MYO5A: variants seen among roughly 807,000 people sequenced by gnomAD.
MYO5A encodes the protein unconventional myosin-Va.
MYO5A carries 98 observed loss-of-function variants against 249.7 expected under a neutral mutation model. The ratio of observed to expected loss-of-function variants is 0.39; its 90% CI spans 0.33 to 0.46. The LOEUF is 0.46. MYO5A is among the 20% of genes least tolerant of loss of function. MYO5A has a pLI of 0.98. For synonymous variants in MYO5A, 778 were observed against 810.6 expected (o/e 0.96, Z 0.68); for missense variants, 1,696 against 2,308.8 (o/e 0.73, Z 5.44).
chr15:52,480,997 G>C (rs1331543093), intron 1 of MYO5A, among the ~76,000 whole-genome samples: 1 of 152,190 alleles, frequency 6.6e-6, no homozygotes, highest in Non-Finnish European at 1.5e-5. Context: ...ACCCATCTAA[G>C]ATACCAGATT....
chr15:52,382,313 C>T (rs572646868), intron 16 of MYO5A, among the ~76,000 whole-genome samples: 26 of 152,266 alleles, frequency 1.7e-4, no homozygotes, highest in African/African-American at 6.0e-4. Context: ...CATGGTGGCT[C>T]GCGCCTGTAA....
At chr15:52,337,209 T>C (rs1446022732) in intron 33 of MYO5A, among the ~76,000 whole-genome samples, 1 of 152,200 alleles carries the variant, frequency 6.6e-6, no homozygotes, top group African/African-American at 2.4e-5. Context: ...AAGGGGTATT[T>C]ATGAATGCTT....
chr15:52,519,124 G>A (rs1166396083), intron 1 of MYO5A, among the ~76,000 whole-genome samples: 1 of 152,086 alleles, frequency 6.6e-6, no homozygotes, highest in African/African-American at 2.4e-5. Flanking sequence ...TGACGGACAG[G>A]CAAAAAGAAA....
intron 31 of MYO5A, among the ~76,000 whole-genome samples, chr15:52,341,626 T>C (rs2039387151): frequency 1.3e-5 from 2 of 151,832 alleles, no homozygotes; most frequent in African/African-American, 4.8e-5. Flanking sequence ...TAAAACTTAA[T>C]GATGCCATTG....
chr15:52,425,385 A>C (rs1412089855), intron 4 of MYO5A, among the ~76,000 whole-genome samples: 2 of 147,510 alleles, frequency 1.4e-5, no homozygotes, highest in Non-Finnish European at 3.0e-5. Context: ...TTTGAGACAG[A>C]GTCCTGCTCT....
chr15:52,388,818 A>G (rs573752728), intron 13 of MYO5A, among the ~76,000 whole-genome samples: 15 of 152,306 alleles, frequency 9.8e-5, no homozygotes, highest in Middle Eastern at 3.4e-3. Context: ...GAGATGTAGT[A>G]TGTACATACA....
chr15:52,347,530 TAATAAA>T (rs2039702456), intron 29 of MYO5A, among the ~76,000 whole-genome samples: 1 of 152,326 alleles, frequency 6.6e-6, no homozygotes, highest in African/African-American at 2.4e-5. Flanking sequence ...GAAACAGACT[TAATAAA>T]ATACACTTCA....
rs750444446 is a variant in MYO5A, at chr15:52,314,077, CAA to C, written c.5490+44_5490+45del. The C allele has an allele frequency of 4.1e-5, 61 of 1,488,382 alleles. No individual in the cohort carries two copies. The African/African-American group carries it at 7.8e-4, about 19-fold the overall frequency. The allele number at this position is 1,488,382 out of a possible 1,614,324, so 92.2% of individuals were successfully genotyped here. On this transcript the variant is annotated intron_variant, in intron 41 of 41. Coordinates refer to ENST00000399233, the MANE Select transcript of MYO5A (RefSeq NM_001382347.1). ...TTCAATAAATTACAAAATGTCCATT[CAA>C]AAGACTGTGTTGGTGAATCAAAGAA... is the stretch of plus-strand genomic sequence containing the variant.
At chr15:52,415,461 G>A (rs1471366935) in intron 5 of MYO5A, among the ~76,000 whole-genome samples, 2 of 152,008 alleles carry the variant, frequency 1.3e-5, no homozygotes, top group Non-Finnish European at 2.9e-5. Context: ...CTTTGTATAT[G>A]GTGTATTCAA....
At chr15:52,523,893 T>C (rs577672519) in intron 1 of MYO5A, among the ~76,000 whole-genome samples, 97 of 148,600 alleles carry the variant, frequency 6.5e-4, no homozygotes, top group African/African-American at 2.3e-3. Context: ...CTCTTTAAGA[T>C]GTTGGAAGCA....
Position 52,407,343 on chromosome 15 carries a change from C to G in MYO5A, c.895G>C (p.Val299Leu), listed in dbSNP as rs1162667312. 1 of 1,613,706 alleles carries G rather than the reference C, an allele frequency of 6.2e-7. No individual in the cohort carries two copies. Among genetic ancestry groups the G allele is most frequent in the African/African-American group, 1.3e-5 (1 of 74,924 alleles). The change falls in exon 8 of 42, where the codon GTG (valine) becomes CTG (leucine). Residue 299 changes from valine to leucine, a missense_variant. By Grantham distance (32) the Val-to-Leu change is conservative. Coordinates refer to ENST00000399233, the MANE Select transcript of MYO5A (RefSeq NM_001382347.1). ...KQGGSPVIEG[V>L]DDAKEMAHTR... Reference sequence around the variant, plus strand: ...TGTGCCATCTCCTTTGCATCATCCACTCCTTCAATCACAGGACTGCCTCCT... The same window carrying G: ...TGTGCCATCTCCTTTGCATCATCCAGTCCTTCAATCACAGGACTGCCTCCT...
intron 2 of MYO5A, among the ~76,000 whole-genome samples, chr15:52,430,107 A>G (rs2075493555): frequency 6.6e-6 from 1 of 152,240 alleles, no homozygotes; most frequent in Non-Finnish European, 1.5e-5. Flanking sequence ...TATTCAAATC[A>G]TATTTGAACG....
At chr15:52,404,020 C>G (rs1190069658) in intron 9 of MYO5A, among the ~76,000 whole-genome samples, 6 of 152,188 alleles carry the variant, frequency 3.9e-5, no homozygotes, top group African/African-American at 1.4e-4. Flanking sequence ...AATCCCAGCA[C>G]TTTGGGAGGC....
intron 12 of MYO5A, among the ~76,000 whole-genome samples, chr15:52,389,708 T>C (rs2042131170): frequency 6.6e-6 from 1 of 152,164 alleles, no homozygotes; most frequent in African/African-American, 2.4e-5. Flanking sequence ...ATCTCAGCAC[T>C]TTGGGAAGCC....
At chr15:52,499,308 T>C (rs968655279) in intron 1 of MYO5A, among the ~76,000 whole-genome samples, 4 of 152,230 alleles carry the variant, frequency 2.6e-5, no homozygotes, top group African/African-American at 9.7e-5. Flanking sequence ...GATTTTCTTT[T>C]TTTATTATTA....
At chr15:52,411,860 C>T (rs191585259) in intron 5 of MYO5A, among the ~76,000 whole-genome samples, 1 of 152,180 alleles carries the variant, frequency 6.6e-6, no homozygotes, top group Admixed American at 6.5e-5. Context: ...GAGGACACTG[C>T]TATATTTTAG....
In MYO5A at chr15:52,336,477, A is replaced by AT; in HGVS notation, c.4393dup (p.Ile1465AsnfsTer19). 1 of 1,602,868 alleles carries AT rather than the reference A, an allele frequency of 6.2e-7. No homozygotes were observed. Among genetic ancestry groups the AT allele is most frequent in the East Asian group, 2.2e-5 (1 of 44,800 alleles). On this transcript the variant is annotated frameshift_variant, in exon 34 of 42. Transcript: ENST00000399233. LOFTEE classifies it high-confidence loss of function. ...GGTTTAAATACCTTCTAGTTCGCCA[A>AT]TTTTTTTGGCAAATACTTTCAGTTG... is the stretch of plus-strand genomic sequence containing the variant.
chr15:52,475,972 C>G (rs928522291), intron 1 of MYO5A, among the ~76,000 whole-genome samples: 2 of 152,126 alleles, frequency 1.3e-5, no homozygotes, highest in Admixed American at 1.3e-4. Context: ...GTGGATCTGT[C>G]TAATATTGAC....
intron 36 of MYO5A, 64 bp downstream of exon 36, chr15:52,327,788 A>G: frequency 1.4e-6 from 2 of 1,468,606 alleles, no homozygotes; most frequent in Non-Finnish European, 1.9e-6. Flanking sequence ...AAGGAAGATC[A>G]ATCAGTGCAG....
Sources: allele counts gnomAD v4.1 joint callset (sites outside exome capture counted in the v4.1 genomes callset), GRCh38; gene constraint gnomAD v4.1.1; transcripts MANE v1.5; gene names NCBI Gene and HGNC (gene_info 2026-07-23, HGNC 2026-07-21).